VIPR1: variants seen among roughly 807,000 people sequenced by gnomAD.
VIPR1 encodes vasoactive intestinal polypeptide receptor 1.
VIPR1 carries 59 observed loss-of-function variants against 58.8 expected under a neutral mutation model. The observed-to-expected ratio is 1.00, with a 90% confidence interval of 0.81 to 1.25. The LOEUF (loss-of-function observed/expected upper bound fraction) is 1.25, where lower values mean the gene tolerates loss of function less well. Among genes scored for constraint, VIPR1 ranks in the 50% most tolerant of loss-of-function variants. VIPR1 has a pLI of 0.00. For missense variants in VIPR1, 626 were observed against 602.7 expected, an observed-to-expected ratio of 1.04 and a Z score of -0.40; for synonymous variants, 251 against 242.1, an observed-to-expected ratio of 1.04 and a Z score of -0.34.
Position 42,528,016 on chromosome 3 carries a change from A to C in VIPR1, c.529A>C (p.Ile177Leu). Reference sequence around the variant, plus strand: ...GAAGCTCCACTGCACGCGGAACTACATCCACATGCACCTCTTCATATCCTT... The same window carrying C: ...GAAGCTCCACTGCACGCGGAACTACCTCCACATGCACCTCTTCATATCCTT... ...FRKLHCTRNY[I>L]HMHLFISFIL... Residue 177 changes from isoleucine (I) to leucine (L), a missense_variant, in exon 6 of 13, where the codon ATC becomes CTC. By Grantham distance (5) the Ile-to-Leu change is conservative. Transcript: ENST00000325123. The C allele has an allele frequency of 6.2e-7, 1 of 1,613,922 alleles. No homozygotes were observed.
Position 42,536,103 on chromosome 3 carries a change from T to C in VIPR1, c.1196T>C (p.Leu399Pro). Residue 399 changes from leucine (L) to proline (P), a missense_variant, in exon 13 of 13, where the codon CTG becomes CCG. Physicochemically the swap from Leu to Pro is moderately conservative, Grantham distance 98 (BLOSUM62 -3). Transcript: ENST00000325123. ...CCCCTCTCCTAGGTGCAGGCGGAGC[T>C]GAGGCGGAAGTGGCGGCGCTGGCAC... ...CFLNGEVQAE[L>P]RRKWRRWHLQ... is the part of the protein sequence containing the mutation. 6.2e-7 allele frequency: 1 copy of C among 1,603,090 alleles called. No individual in the cohort carries two copies. The highest frequency in any genetic ancestry group is 1.7e-4 in the Middle Eastern group (1 of 6,036).
chr3:42,493,494 A>G (rs1450423183), intron 1 of VIPR1, among the ~76,000 whole-genome samples: 1 of 152,218 alleles, frequency 6.6e-6, no homozygotes, highest in Non-Finnish European at 1.5e-5. Context: ...GGGTCCCTAG[A>G]GGCCTTTATG....
chr3:42,506,121 G>A (rs1288293040), intron 1 of VIPR1, among the ~76,000 whole-genome samples: 1 of 152,224 alleles, frequency 6.6e-6, no homozygotes, highest in African/African-American at 2.4e-5. Flanking sequence ...CAGGGCAGCA[G>A]GAGTCCTGGG....
intron 1 of VIPR1, chr3:42,507,974 A>G (rs1180139411): frequency 2.1e-5 from 3 of 145,432 alleles, no homozygotes; most frequent in Non-Finnish European, 4.6e-5. Context: ...AAAAAAAAAA[A>G]GAATTTGCAG....
intron 7 of VIPR1, chr3:42,531,215 C>A (rs747463386): frequency 1.5e-5 from 9 of 611,002 alleles, no homozygotes; most frequent in Non-Finnish European, 2.3e-5. Flanking sequence ...CACTGCTAAT[C>A]TATAAAGGGC....
chr3:42,509,996 T>A (rs1359185730), intron 1 of VIPR1, among the ~76,000 whole-genome samples: 2 of 152,172 alleles, frequency 1.3e-5, no homozygotes, highest in Non-Finnish European at 2.9e-5. Flanking sequence ...ATCCTCAGTC[T>A]CCTGCTTCAA....
intron 1 of VIPR1, chr3:42,509,793 A>C (rs947663681): frequency 1.3e-5 from 2 of 152,286 alleles, no homozygotes; most frequent in African/African-American, 4.8e-5. Context: ...GGGAGTTGGC[A>C]GGAGAATCCT....
chr3:42,495,716 G>A (rs1453837094), intron 1 of VIPR1, among the ~76,000 whole-genome samples: 1 of 152,076 alleles, frequency 6.6e-6, no homozygotes, highest in African/African-American at 2.4e-5. Flanking sequence ...ACTGCCTACA[G>A]AGAGAGTCAC....
chr3:42,504,141 C>A (rs1700002946), intron 1 of VIPR1, among the ~76,000 whole-genome samples: 1 of 152,132 alleles, frequency 6.6e-6, no homozygotes, highest in Admixed American at 6.5e-5. Flanking sequence ...TGCATGAAGC[C>A]TTCAGGCCTC....
In VIPR1 at chr3:42,527,896, C is replaced by A; in HGVS notation, c.504-95C>A. On this transcript the variant is annotated intron_variant, in intron 5 of 12. Transcript: ENST00000325123. ...GCCTGCCCTCTGGAGGACACATGCT[C>A]CCCTGCCCCACCCTTGCTCAGCACA... 2.6e-6 allele frequency: 4 copies of A among 1,528,090 alleles called. No individual in the cohort carries two copies. In the South Asian group the frequency reaches 4.9e-5, roughly 19 times the overall value. 94.7% of individuals were successfully genotyped at this position (1,528,090 alleles called of 1,614,324 possible).
chr3:42,497,107 G>A lies in VIPR1; in HGVS notation c.-245+7429G>A, dbSNP rs1367715847. Reference sequence around the variant, plus strand: ...CCGAAGGTCAGCTACACACAGGAACGCAGGACTGGGAAGAGGGAGGTTAGC... The same window carrying A: ...CCGAAGGTCAGCTACACACAGGAACACAGGACTGGGAAGAGGGAGGTTAGC... On this transcript the variant is annotated intron_variant, in intron 1 of 13. Transcript: ENST00000433647. Among the ~76,000 whole-genome samples the A allele has an allele frequency of 2.0e-5, 3 of 152,140 alleles. No individual in the cohort carries two copies. The South Asian group carries it at 6.2e-4, about 32-fold the overall frequency.
chr3:42,497,795 T>C (rs1008813526), upstream of VIPR1, among the ~76,000 whole-genome samples: 1 of 152,232 alleles, frequency 6.6e-6, no homozygotes, highest in Non-Finnish European at 1.5e-5. Context: ...CCTTCTGCCT[T>C]TCGCCTTCTG....
At chr3:42,534,858 C>G in intron 10 of VIPR1, 117 bp from the exon 11 acceptor site, 4 of 1,360,416 alleles carry the variant, frequency 2.9e-6, no homozygotes, top group African/African-American at 1.4e-5. Flanking sequence ...AGTCCATCCT[C>G]ATACTTCCTG....
intron 6 of VIPR1, 188 bp from the exon 7 acceptor site, chr3:42,530,591 G>A (rs1377962218): frequency 6.4e-6 from 4 of 621,702 alleles, no homozygotes; most frequent in Non-Finnish European, 1.1e-5. Flanking sequence ...TTATCCCGAA[G>A]TATCAGAGGA....
At chr3:42,533,662 G>A (rs1701697155) in intron 10 of VIPR1, 1 of 152,280 alleles carries the variant, frequency 6.6e-6, no homozygotes, top group Non-Finnish European at 1.5e-5. Flanking sequence ...AGCTCCTCAA[G>A]GAGAAGCTGT....
At chr3:42,516,437 A>T (rs551904236) in intron 2 of VIPR1, 1 of 152,056 alleles carries the variant, frequency 6.6e-6, no homozygotes, top group Non-Finnish European at 1.5e-5. Context: ...GCTGCCCTAC[A>T]CCCCAGCACC....
At chr3:42,525,849 G>A (rs763608938) in intron 3 of VIPR1, 38 bp from the exon 4 acceptor site, 39 of 1,558,800 alleles carry the variant, frequency 2.5e-5, no homozygotes, top group African/African-American at 9.5e-5. Flanking sequence ...CCATGCTCCC[G>A]GCCTCAGCCT....
In VIPR1 at chr3:42,536,242, C is replaced by T. The variant is rs574293640; in HGVS notation, c.1335C>T (p.Arg445=). ...SMLTRVSPGA[R]RSSSFQAEVS... ...TGACCCGCGTCAGCCCAGGTGCCCG[C>T]CGCTCCTCCAGCTTCCAAGCCGAAG... Residue 445 remains arginine, a synonymous_variant, in exon 13 of 13, where the codon CGC becomes CGT. Transcript: ENST00000325123. 9.5e-4 allele frequency: 1,507 copies of T among 1,585,834 alleles called. 23 individuals carry two copies. In the South Asian group the frequency reaches 0.017, roughly 17 times the overall value.
Position 42,530,926 on chromosome 3 carries a change from G to A in VIPR1, c.784G>A (p.Gly262Ser), listed in dbSNP as rs369334715. The A allele has an allele frequency of 1.2e-5, 19 of 1,613,814 alleles. No individual in the cohort carries two copies. Among genetic ancestry groups the A allele is most frequent in the Middle Eastern group, 1.6e-4 (1 of 6,082 alleles). The change falls in exon 7 of 13, where the codon GGC becomes AGC. Residue 262 changes from glycine to serine, a missense_variant. Transcript: ENST00000325123. ...GTACTTCTGGGGGTACATACTCATC[G>A]GCTGGGGTATGGTACCAGGGAGGGC... is the stretch of plus-strand genomic sequence containing the variant. The part of the protein sequence containing the change: ...RKYFWGYILI[G>S]WGVPSTFTMV...
Sources: allele counts gnomAD v4.1 joint callset (sites outside exome capture counted in the v4.1 genomes callset), GRCh38; gene constraint gnomAD v4.1.1; transcripts MANE v1.5; gene names NCBI Gene and HGNC (gene_info 2026-07-23, HGNC 2026-07-21).